Variants in STK32B observed in about 807,000 individuals in gnomAD.
The protein encoded by STK32B is serine/threonine kinase 32B, also known as serine/threonine-protein kinase 32B.
A neutral mutation model predicts 52.6 loss-of-function variants in STK32B; 43 were observed. That is an observed-to-expected ratio of 0.82 (90% CI 0.64 to 1.05). STK32B has a LOEUF of 1.05. Ranked by LOEUF, STK32B falls within the 50% of genes least tolerant of loss-of-function variation. STK32B has a pLI of 0.00. For missense variants in STK32B, 621 were observed against 534.6 expected, an observed-to-expected ratio of 1.16 and a Z score of -1.59; for synonymous variants, 238 against 204.3, an observed-to-expected ratio of 1.17 and a Z score of -1.41.
Position 5,400,867 on chromosome 4 carries a change from C to G in STK32B, c.472+2623C>G, listed in dbSNP as rs557860606. ...AAGTTCTGGTTAACAGAATGATGAA[C>G]AAGGCAAACAGGGTCCCAACGCTGA... is the stretch of plus-strand genomic sequence containing the variant. On this transcript the variant is annotated intron_variant, in intron 5 of 11. Transcript: ENST00000282908. The surrounding 1 kb of genome is among the most constrained non-coding windows in gnomAD (Gnocchi z 6.1). Among the ~76,000 whole-genome samples the G allele has an allele frequency of 7.2e-5, 11 of 152,206 alleles. No individual in the cohort carries two copies. The South Asian group carries it at 1.0e-3, about 14-fold the overall frequency.
At chr4:5,447,267 C>T (rs934926277) in intron 7 of STK32B, 4 of 153,632 alleles carry the variant, frequency 2.6e-5, no homozygotes, top group Non-Finnish European at 5.8e-5. Context: ...TTTAAATTTA[C>T]AAGCTGAAGA....
chr4:5,299,126 C>G (rs940714748), intron 3 of STK32B, among the ~76,000 whole-genome samples: 1 of 151,840 alleles, frequency 6.6e-6, no homozygotes, highest in Non-Finnish European at 1.5e-5. Flanking sequence ...ATGGGCTGCA[C>G]CTACTGTCTA....
At chr4:5,127,146 A>G (rs748442676) in intron 1 of STK32B, 22 of 506,430 alleles carry the variant, frequency 4.3e-5, no homozygotes, top group African/African-American at 9.6e-5. Context: ...CTTGATGCCA[A>G]TGATTACATT....
intron 3 of STK32B, among the ~76,000 whole-genome samples, chr4:5,252,341 T>A (rs1256419404): frequency 1.3e-5 from 2 of 152,188 alleles, no homozygotes; most frequent in Admixed American, 6.5e-5. Context: ...CATTGTGAGA[T>A]CAATTTCGGT....
intron 2 of STK32B, among the ~76,000 whole-genome samples, chr4:5,165,345 G>C (rs991331664): frequency 6.6e-6 from 1 of 152,134 alleles, no homozygotes; most frequent in African/African-American, 2.4e-5. Context: ...GTTCTCCTTT[G>C]AAAGCCAGTT....
At chr4:5,372,308 G>A (rs1386533978) in intron 4 of STK32B, among the ~76,000 whole-genome samples, 1 of 152,204 alleles carries the variant, frequency 6.6e-6, no homozygotes. Flanking sequence ...GAATCATGCT[G>A]TAGCTCTGGG....
At chr4:5,136,361 A>G (rs947417692) in intron 1 of STK32B, among the ~76,000 whole-genome samples, 1 of 142,480 alleles carries the variant, frequency 7.0e-6, no homozygotes, top group Non-Finnish European at 1.5e-5. Flanking sequence ...CTAGTGGTAC[A>G]CTTTTAGCGG....
At chr4:5,036,172 T>C in the STK32B span, among the ~76,000 whole-genome samples, 4 of 152,090 alleles carry the variant, frequency 2.6e-5, 1 homozygote, top group Admixed American at 1.3e-4. Context: ...TAGCTCAAAG[T>C]TTGTGTAAAG....
At chr4:5,384,182 G>A (rs1202692409) in intron 4 of STK32B, among the ~76,000 whole-genome samples, 1 of 152,200 alleles carries the variant, frequency 6.6e-6, no homozygotes, top group Admixed American at 6.5e-5. Flanking sequence ...GGCCCTGGAA[G>A]CCTTTGAGAG....
chr4:5,433,716 A>C (rs1311031621), intron 6 of STK32B, among the ~76,000 whole-genome samples: 2 of 152,204 alleles, frequency 1.3e-5, no homozygotes, highest in Non-Finnish European at 2.9e-5. Flanking sequence ...CTAGATGTTG[A>C]ATAGCATTTC....
chr4:5,372,781 G>A (rs1381272360), intron 4 of STK32B, among the ~76,000 whole-genome samples: 6 of 151,586 alleles, frequency 4.0e-5, no homozygotes, highest in Admixed American at 3.9e-4. Flanking sequence ...CCACGCATCA[G>A]TATTTCTTTC....
At chr4:5,196,645 C>A (rs905830884) in intron 3 of STK32B, among the ~76,000 whole-genome samples, 5 of 151,696 alleles carry the variant, frequency 3.3e-5, no homozygotes, top group African/African-American at 1.2e-4. Context: ...TGCTTGAACC[C>A]GGGAGGCGGA....
At chr4:5,374,084 A>C (rs564979061) in intron 4 of STK32B, among the ~76,000 whole-genome samples, 11 of 152,322 alleles carry the variant, frequency 7.2e-5, no homozygotes, top group African/African-American at 2.4e-4. Flanking sequence ...AGGCCATGTG[A>C]AATGGAAGCA....
At chr4:5,450,728 T>C (rs978327733) in intron 7 of STK32B, among the ~76,000 whole-genome samples, 1 of 152,198 alleles carries the variant, frequency 6.6e-6, no homozygotes, top group African/African-American at 2.4e-5. Flanking sequence ...GAGAATTAAA[T>C]GATTCTGATT....
At chr4:5,264,138 T>A (rs1440828192) in intron 3 of STK32B, among the ~76,000 whole-genome samples, 1 of 152,220 alleles carries the variant, frequency 6.6e-6, no homozygotes, top group Non-Finnish European at 1.5e-5. Flanking sequence ...TGTACGTGAT[T>A]TTGTGAACAT....
intron 3 of STK32B, among the ~76,000 whole-genome samples, chr4:5,208,036 C>T (rs558272234): frequency 6.6e-6 from 1 of 152,024 alleles, no homozygotes; most frequent in African/African-American, 2.4e-5. Flanking sequence ...AAAAAACAAC[C>T]CCCAGTTTTC....
At chr4:5,370,998 A>G (rs200588780) in intron 4 of STK32B, among the ~76,000 whole-genome samples, 3,315 of 102,552 alleles carry the variant, frequency 0.032, 105 homozygotes, top group East Asian at 0.14. Context: ...GTGTGTGTGT[A>G]TATATATATA....
At chr4:5,132,563 C>A (rs1422061763) in intron 1 of STK32B, among the ~76,000 whole-genome samples, 1 of 152,174 alleles carries the variant, frequency 6.6e-6, no homozygotes, top group Non-Finnish European at 1.5e-5. Flanking sequence ...TATGGGATCA[C>A]AAGCTGAGGA....
At position 5,395,778 on chromosome 4, in the gene STK32B, T is replaced by C. The variant is rs1736849135; in HGVS notation, c.435-2429T>C. 6.6e-6 allele frequency among the ~76,000 whole-genome samples: 1 copy of C among 152,238 alleles called. No homozygotes were observed. The highest frequency in any genetic ancestry group is 2.4e-5 in the African/African-American group (1 of 41,470). On this transcript the variant is annotated intron_variant, in intron 4 of 11. Coordinates refer to ENST00000282908, the MANE Select transcript of STK32B (RefSeq NM_018401.3). This position sits in a 1 kb window ranked among gnomAD's most constrained non-coding sequence, Gnocchi z 4.4. ...GAAACTGAAGCAGAGGCAGAGATCA[T>C]GCAGGTAGTCAAAAGTGAGACTGGA... is the stretch of plus-strand genomic sequence containing the variant.
Sources: gnomAD v4.1 joint callset for allele counts (sites outside exome capture counted in the v4.1 genomes callset) on GRCh38, gnomAD v4.1.1 for gene constraint, Gnocchi (gnomAD v3.1) non-coding constraint, MANE v1.5 for transcripts, NCBI Gene and HGNC (gene_info 2026-07-23, HGNC 2026-07-21) for gene names.